Variants in PRKCE observed in about 807,000 individuals in gnomAD.
PRKCE encodes the protein protein kinase C epsilon, also known as protein kinase C epsilon type.
PRKCE carries 16 observed loss-of-function variants against 85.4 expected under a neutral mutation model. The observed-to-expected ratio is 0.19, with a 90% confidence interval of 0.13 to 0.28. The LOEUF (loss-of-function observed/expected upper bound fraction) is 0.28. Among genes scored for constraint, PRKCE ranks in the 10% least tolerant of loss-of-function variants. The pLI is 1.00. For synonymous variants in PRKCE, 388 were observed against 371.5 expected, an observed-to-expected ratio of 1.04 and a Z score of -0.51; for missense variants, 573 against 975.2, an observed-to-expected ratio of 0.59 and a Z score of 5.49.
intron 2 of PRKCE, among the ~76,000 whole-genome samples, chr2:45,957,424 C>A (rs947549934): frequency 6.6e-6 from 1 of 152,190 alleles, no homozygotes; most frequent in Non-Finnish European, 1.5e-5. Context: ...ATTGTATGCA[C>A]ATATGTGGAT....
intron 1 of PRKCE, among the ~76,000 whole-genome samples, chr2:45,732,899 G>A (rs990210339): frequency 3.3e-5 from 5 of 152,134 alleles, no homozygotes; most frequent in Admixed American, 6.5e-5. Flanking sequence ...AAGTTAAATC[G>A]TTATAATTAA....
intron 1 of PRKCE, among the ~76,000 whole-genome samples, chr2:45,827,541 A>G (rs1190372614): frequency 1.3e-5 from 2 of 152,230 alleles, no homozygotes; most frequent in Admixed American, 1.3e-4. Context: ...GAAAACAAGC[A>G]CAGATGTATA....
chr2:45,921,346 T>TAA (rs201915450), intron 2 of PRKCE, among the ~76,000 whole-genome samples: 20 of 152,002 alleles, frequency 1.3e-4, no homozygotes, highest in African/African-American at 4.1e-4. Context: ...TAAATTGTTG[T>TAA]AAAAAAAACA....
chr2:45,986,364 G>C (rs1285398747), intron 6 of PRKCE, among the ~76,000 whole-genome samples: 4 of 152,180 alleles, frequency 2.6e-5, no homozygotes, highest in Admixed American at 2.6e-4. Flanking sequence ...TGGCAAAGGA[G>C]AGATGGATGA....
chr2:45,791,115 A>G (rs1343449283), intron 1 of PRKCE, among the ~76,000 whole-genome samples: 1 of 152,112 alleles, frequency 6.6e-6, no homozygotes, highest in Non-Finnish European at 1.5e-5. Context: ...AGGTCTCTGA[A>G]TTGGCTGGTA....
intron 1 of PRKCE, among the ~76,000 whole-genome samples, chr2:45,744,500 T>TTTCTTTCTTTCTTTCTTTCTTTC (rs1553397741): frequency 1.2e-4 from 10 of 84,744 alleles, no homozygotes; most frequent in African/African-American, 5.7e-4. Flanking sequence ...TCTTTCTTTC[T>TTTCTTTCTTTCTTTCTTTCTTTC]TTTCTTTCTT....
chr2:46,184,180 G>A lies in PRKCE; in HGVS notation c.2068-555G>A, dbSNP rs900347897. On this transcript the variant is annotated intron_variant, in intron 14 of 14. Transcript: ENST00000306156. This position sits in a 1 kb window ranked among gnomAD's most constrained non-coding sequence, Gnocchi z 5.0. ...TAAAAACGTCATTGCAAGTCAATGT[G>A]CTGAGTTTAATAATTGAAAAAATAC... Among the ~76,000 whole-genome samples the A allele has an allele frequency of 2.0e-5, 3 of 152,198 alleles. No homozygotes were observed. Among genetic ancestry groups the A allele is most frequent in the African/African-American group, 7.2e-5 (3 of 41,446 alleles).
Position 45,830,359 on chromosome 2 carries a change from A to G in PRKCE, c.349-12641A>G, listed in dbSNP as rs1415001696. Among the ~76,000 whole-genome samples the G allele has an allele frequency of 3.9e-5, 6 of 152,296 alleles. No homozygotes were observed. The South Asian group carries it at 1.0e-3, about 26-fold the overall frequency. On this transcript the variant is annotated intron_variant, in intron 1 of 14. Transcript: ENST00000306156. ...GGCACTGCCTGTACATGAGAAAGGC[A>G]TTATGAATAAATAGGAAGGCATTTC...
chr2:45,900,291 C>G (rs35017844), intron 2 of PRKCE, among the ~76,000 whole-genome samples: 6,979 of 152,276 alleles, frequency 0.046, 182 homozygotes, highest in Middle Eastern at 0.14. Flanking sequence ...GAAGCAGGAA[C>G]TGATCAGATG....
At position 46,186,385 on chromosome 2, in the gene PRKCE, T is replaced by G. The variant is rs1395855832; in HGVS notation, c.*1504T>G. 1 of 152,652 alleles carries G rather than the reference T, an allele frequency of 6.6e-6. No homozygotes were observed. Among genetic ancestry groups the G allele is most frequent in the African/African-American group, 2.4e-5 (1 of 41,456 alleles). The allele number at this position is 152,652 out of a possible 1,614,324, so 9.5% of individuals were successfully genotyped here. On this transcript the variant is annotated 3_prime_UTR_variant, in exon 15 of 15. Transcript: ENST00000306156. ...TTGCCTTTTGTACATTTGAGATTTT[T>G]GTATATAGTGTTTGCTGCAAGGCCT...
intron 10 of PRKCE, among the ~76,000 whole-genome samples, chr2:46,047,075 C>G (rs947260437): frequency 6.6e-6 from 1 of 152,136 alleles, no homozygotes; most frequent in African/African-American, 2.4e-5. Context: ...ATCTGATATT[C>G]GAGAAATGAT....
rs1403726245 is a variant in PRKCE, at chr2:46,028,066, C to T, written c.1437+17549C>T. Among the ~76,000 whole-genome samples the T allele has an allele frequency of 9.2e-5, 14 of 152,200 alleles. 1 individual carries two copies. The highest frequency in any genetic ancestry group is 6.5e-4 in the Admixed American group (10 of 15,288). On this transcript the variant is annotated intron_variant, in intron 10 of 14. Transcript: ENST00000306156. ...ACGTGATTCTCCTGCCTCAGCCTCCCGAGTAGCTGGGATTACAGGCTCCCA... is the reference window on the plus strand; with the variant it reads ...ACGTGATTCTCCTGCCTCAGCCTCCTGAGTAGCTGGGATTACAGGCTCCCA...
Position 45,909,589 on chromosome 2 carries a change from A to C in PRKCE, c.412+66526A>C, listed in dbSNP as rs549681102. 1.2e-4 allele frequency among the ~76,000 whole-genome samples: 18 copies of C among 152,372 alleles called. No homozygotes were observed. In the South Asian group the frequency reaches 1.7e-3, roughly 14 times the overall value. ...AATAGCAAATAAACAAAGCTAACAAAAATCAGCGAAAATAAAACCTTAGGG... is the reference window on the plus strand; with the variant it reads ...AATAGCAAATAAACAAAGCTAACAACAATCAGCGAAAATAAAACCTTAGGG... On this transcript the variant is annotated intron_variant, in intron 2 of 14. Coordinates refer to ENST00000306156, the MANE Select transcript of PRKCE (RefSeq NM_005400.3).
At chr2:45,913,084 G>A (rs548690663) in intron 2 of PRKCE, among the ~76,000 whole-genome samples, 2 of 152,320 alleles carry the variant, frequency 1.3e-5, no homozygotes, top group African/African-American at 4.8e-5. Flanking sequence ...GTGGTGTCTT[G>A]ACTACTTTGT....
chr2:46,086,274 C>A lies in PRKCE; in HGVS notation c.1504C>A (p.Arg502=). ...CCTCATGTTTCAGATTCAGCGCTCC[C>A]GAAAATTCGACGAGCCTCGTTCACG... ...GDLMFQIQRS[R]KFDEPRSRFY... Residue 502 remains arginine, a synonymous_variant, in exon 11 of 15, where the codon CGA becomes AGA. Transcript: ENST00000306156. 3 of 1,599,692 alleles carry A rather than the reference C, an allele frequency of 1.9e-6. No individual in the cohort carries two copies. The highest frequency in any genetic ancestry group is 2.5e-6 in the Non-Finnish European group (3 of 1,179,938).
chr2:45,914,792 A>G (rs1359484918), intron 2 of PRKCE, among the ~76,000 whole-genome samples: 4 of 152,240 alleles, frequency 2.6e-5, no homozygotes, highest in Admixed American at 1.3e-4. Context: ...AATGCCATGT[A>G]TAGCTATGTA....
intron 1 of PRKCE, among the ~76,000 whole-genome samples, chr2:45,746,629 G>T (rs1198885810): frequency 1.3e-5 from 2 of 152,158 alleles, no homozygotes; most frequent in Non-Finnish European, 2.9e-5. Flanking sequence ...CCAGGACAAG[G>T]TATTATATCA....
chr2:45,739,813 T>C (rs1682400138), intron 1 of PRKCE, among the ~76,000 whole-genome samples: 1 of 152,174 alleles, frequency 6.6e-6, no homozygotes, highest in African/African-American at 2.4e-5. Context: ...CACAGAACTC[T>C]ACACTAAAAA....
intron 2 of PRKCE, among the ~76,000 whole-genome samples, chr2:45,966,288 C>G (rs1449830319): frequency 1.3e-5 from 2 of 152,178 alleles, no homozygotes; most frequent in Admixed American, 6.5e-5. Flanking sequence ...GCCTGTGATG[C>G]TCCCACAAAC....
Sources: gnomAD v4.1 joint callset for allele counts (sites outside exome capture counted in the v4.1 genomes callset) on GRCh38, gnomAD v4.1.1 for gene constraint, Gnocchi (gnomAD v3.1) non-coding constraint, MANE v1.5 for transcripts, NCBI Gene and HGNC (gene_info 2026-07-23, HGNC 2026-07-21) for gene names.